The following DNAJC1 variants were observed in gnomAD, a reference collection of about 807,000 sequenced individuals.
The protein encoded by DNAJC1 is dnaJ homolog subfamily C member 1.
A neutral mutation model predicts 76.6 loss-of-function variants in DNAJC1; 58 were observed. The observed-to-expected ratio is 0.76, with a 90% CI of 0.61 to 0.94. DNAJC1 has a LOEUF of 0.94. DNAJC1 is among the 40% of genes least tolerant of loss of function. The probability of loss-of-function intolerance (pLI) is 0.00; values close to 1 mark genes in which losing one functional copy is unlikely to be tolerated. For synonymous variants in DNAJC1, 258 were observed against 267.9 expected, an observed-to-expected ratio of 0.96 and a Z score of 0.36; for missense variants, 689 against 677.3, an observed-to-expected ratio of 1.02 and a Z score of -0.19.
intron 8 of DNAJC1, among the ~76,000 whole-genome samples, chr10:21,841,142 T>C (rs1484753849): frequency 6.6e-6 from 1 of 152,150 alleles, no homozygotes; most frequent in Non-Finnish European, 1.5e-5. Context: ...CCTAAAACCA[T>C]AAAAACCCTA....
intron 8 of DNAJC1, among the ~76,000 whole-genome samples, chr10:21,874,066 A>G (rs1836146720): frequency 6.6e-6 from 1 of 152,244 alleles, no homozygotes; most frequent in Admixed American, 6.5e-5. Context: ...AAATGTCATT[A>G]GCTGATTAAC....
At chr10:21,914,427 T>C (rs1365683268) in intron 6 of DNAJC1, among the ~76,000 whole-genome samples, 1 of 152,202 alleles carries the variant, frequency 6.6e-6, no homozygotes, top group Non-Finnish European at 1.5e-5. Flanking sequence ...CTTCATTTAT[T>C]TTCTGCTGAT....
At chr10:21,898,717 T>C (rs1197699608) in intron 7 of DNAJC1, among the ~76,000 whole-genome samples, 2 of 152,002 alleles carry the variant, frequency 1.3e-5, no homozygotes, top group African/African-American at 4.8e-5. Context: ...CACAGCCAGA[T>C]AATTTTTGTA....
At chr10:21,928,740 T>G (rs962000574) in intron 2 of DNAJC1, among the ~76,000 whole-genome samples, 188 bp from the exon 3 acceptor site, 1 of 152,284 alleles carries the variant, frequency 6.6e-6, no homozygotes, top group East Asian at 1.9e-4. Context: ...ATGCTTGATA[T>G]CAAAATAAAT....
intron 3 of DNAJC1, among the ~76,000 whole-genome samples, chr10:21,922,297 T>A (rs905677256): frequency 1.3e-5 from 2 of 152,022 alleles, no homozygotes; most frequent in Non-Finnish European, 2.9e-5. Flanking sequence ...AACTTCTTTT[T>A]TCAGTAGAAA....
At chr10:21,757,580 T>C (rs1017066412) in intron 11 of DNAJC1, among the ~76,000 whole-genome samples, 1 of 152,224 alleles carries the variant, frequency 6.6e-6, no homozygotes, top group African/African-American at 2.4e-5. Context: ...CTCAGGGTTT[T>C]TTTTCTGCAT....
chr10:21,780,487 G>A (rs1834513491), intron 9 of DNAJC1, among the ~76,000 whole-genome samples: 1 of 152,168 alleles, frequency 6.6e-6, no homozygotes, highest in Non-Finnish European at 1.5e-5. Flanking sequence ...TTCATAGCCA[G>A]CCAAACTAAG....
intron 8 of DNAJC1, among the ~76,000 whole-genome samples, chr10:21,864,673 C>A (rs184779464): frequency 6.6e-6 from 1 of 152,014 alleles, no homozygotes; most frequent in Non-Finnish European, 1.5e-5. Context: ...AGAAGAAAAT[C>A]TTAGCGACTT....
At chr10:21,918,904 A>G (rs1287306636) in intron 5 of DNAJC1, 32 bp from the exon 6 acceptor site, 1 of 1,465,440 alleles carries the variant, frequency 6.8e-7, no homozygotes, top group East Asian at 2.3e-5. Context: ...AACACCATAC[A>G]ACATATGAGG....
intron 8 of DNAJC1, among the ~76,000 whole-genome samples, chr10:21,812,212 C>A (rs1243864390): frequency 1.3e-5 from 2 of 152,070 alleles, no homozygotes; most frequent in Admixed American, 6.6e-5. Context: ...GTGCCCGCCA[C>A]CACGCCCAGC....
intron 3 of DNAJC1, among the ~76,000 whole-genome samples, chr10:21,922,008 T>G (rs892183652): frequency 3.3e-5 from 5 of 151,980 alleles, no homozygotes; most frequent in African/African-American, 1.2e-4. Flanking sequence ...GTGCAACACA[T>G]TGACCAAAAT....
chr10:21,916,623 CA>C (rs1836960421), intron 6 of DNAJC1, among the ~76,000 whole-genome samples: 1 of 152,040 alleles, frequency 6.6e-6, no homozygotes, highest in African/African-American at 2.4e-5. Context: ...CCTTTTTGAC[CA>C]CTGTTCCAAT....
chr10:21,845,356 CTT>C lies in DNAJC1; in HGVS notation c.978+36924_978+36925del, dbSNP rs112507630. Among the ~76,000 whole-genome samples, 1,070 of 141,090 alleles carry C rather than the reference CTT, an allele frequency of 7.6e-3. 1 individual carries two copies. The highest frequency in any genetic ancestry group is 0.012 in the Admixed American group (173 of 14,178). The allele number at this position is 141,090 out of a possible 152,430, so 92.6% of individuals were successfully genotyped here. A position where few individuals can be genotyped will look rare whatever the true frequency, so the allele number is the denominator to read the frequency against. On this transcript the variant is annotated intron_variant, in intron 8 of 11. Coordinates refer to ENST00000376980, the MANE Select transcript of DNAJC1 (RefSeq NM_022365.4). ...TGCATAAACTACATAAAAATTAGAA[CTT>C]TTTTTTTTTTTTTTGAGACTGGGTC...
intron 1 of DNAJC1, among the ~76,000 whole-genome samples, 187 bp from the exon 2 acceptor site, chr10:21,929,328 A>G (rs549847736): frequency 6.6e-6 from 1 of 152,328 alleles, no homozygotes; most frequent in South Asian, 2.1e-4. Context: ...ACAATTATTC[A>G]ATCTAATTTG....
At chr10:21,848,997 T>C (rs1038324316) in intron 8 of DNAJC1, among the ~76,000 whole-genome samples, 44 of 152,006 alleles carry the variant, frequency 2.9e-4, no homozygotes, top group Non-Finnish European at 1.2e-4. Context: ...AATCTTATAA[T>C]AGTAAATGCC....
intron 8 of DNAJC1, among the ~76,000 whole-genome samples, chr10:21,813,096 C>CACATATATATATATAT (rs1554887835): frequency 1.7e-5 from 2 of 117,310 alleles, no homozygotes; most frequent in African/African-American, 6.9e-5. Flanking sequence ...TACACACACA[C>CACATATATATATATAT]ATATATATAT....
At chr10:21,781,376 T>C (rs1227034453) in intron 9 of DNAJC1, among the ~76,000 whole-genome samples, 1 of 152,116 alleles carries the variant, frequency 6.6e-6, no homozygotes, top group South Asian at 2.1e-4. Context: ...GAACAGAAAT[T>C]ATAACAAACT....
At chr10:21,902,637 C>T (rs1590040774) in intron 7 of DNAJC1, among the ~76,000 whole-genome samples, 1 of 152,056 alleles carries the variant, frequency 6.6e-6, no homozygotes, top group South Asian at 2.1e-4. Flanking sequence ...TTGAGAATTA[C>T]ATCAAACTCT....
At chr10:21,897,221 T>A (rs1453701932) in intron 7 of DNAJC1, among the ~76,000 whole-genome samples, 1 of 152,206 alleles carries the variant, frequency 6.6e-6, no homozygotes, top group Non-Finnish European at 1.5e-5. Flanking sequence ...CAAATAGAAT[T>A]CAGCAATAAG....
Sources: gnomAD v4.1 joint callset for allele counts (sites outside exome capture counted in the v4.1 genomes callset) on GRCh38, gnomAD v4.1.1 for gene constraint, MANE v1.5 for transcripts, NCBI Gene and HGNC (gene_info 2026-07-23, HGNC 2026-07-21) for gene names.